ABHD14B: variants seen among roughly 807,000 people sequenced by gnomAD.
ABHD14B encodes the protein abhydrolase domain containing 14B.
In ABHD14B, 19 loss-of-function variants were observed where a neutral mutation model predicts 15.4. The ratio of observed to expected loss-of-function variants is 1.23; its 90% CI spans 0.86 to 1.81. The LOEUF (loss-of-function observed/expected upper bound fraction) is 1.81, where lower values mean the gene tolerates loss of function less well. ABHD14B is among the 40% of genes most tolerant of loss of function. The pLI is 0.00. For missense variants in ABHD14B, 243 were observed against 267.0 expected (o/e 0.91, Z 0.63); for synonymous variants, 92 against 117.3 (o/e 0.78, Z 1.39).
At chr3:51,972,098 T>A (rs1412961023) in intron 1 of ABHD14B, among the ~76,000 whole-genome samples, 1 of 144,788 alleles carries the variant, frequency 6.9e-6, no homozygotes. Context: ...GAAAAAAAAA[T>A]TAGCCAGGTG....
At position 51,970,009 on chromosome 3, in the gene ABHD14B, C is replaced by T. The variant is rs576435421; in HGVS notation, c.387G>A (p.Pro129=). The change falls in exon 3 of 4, where the codon CCG becomes CCA. Residue 129 remains proline (P), a synonymous_variant. Transcript: ENST00000361143. ...AGATGGGGGCCACTGGCACAAAGCC[C>T]GGGAGCTGGGAGCCAGGGGCCGTGA... ...PFLTAPGSQL[P]GFVPVAPICT... The T allele has an allele frequency of 1.2e-5, 19 of 1,614,156 alleles. No homozygotes were observed. The highest frequency in any genetic ancestry group is 1.4e-5 in the Non-Finnish European group (17 of 1,180,020).
chr3:51,973,674 G>A, intron 1 of ABHD14B: 4 of 409,350 alleles, frequency 9.8e-6, no homozygotes, highest in South Asian at 3.9e-5. Context: ...CTTCCACACC[G>A]GAAAGCCCAT....
At position 51,969,434 on chromosome 3, in the gene ABHD14B, G is replaced by T; in HGVS notation, c.625C>A (p.Leu209Ile). The T allele has an allele frequency of 6.2e-7, 1 of 1,611,320 alleles. No homozygotes were observed. The highest frequency in any genetic ancestry group is 8.5e-7 in the Non-Finnish European group (1 of 1,178,778). ...TGCAGCAGTGCTGGGCTTCACTGGAGCCCCTGCAGGAAGTCCAGCAGCCCT... is the reference window on the plus strand; with the variant it reads ...TGCAGCAGTGCTGGGCTTCACTGGATCCCCTGCAGGAAGTCCAGCAGCCCT... ...HTGLLDFLQG[L>I]Q The change falls in exon 4 of 4, where the codon CTC becomes ATC. Residue 209 changes from leucine to isoleucine, a missense_variant. By Grantham distance (5) the Leu-to-Ile change is conservative. Transcript: ENST00000361143.
At chr3:51,971,914 G>T in intron 1 of ABHD14B, 1 of 969,410 alleles carries the variant, frequency 1.0e-6, no homozygotes, top group Non-Finnish European at 1.4e-6. Context: ...GAACAATAAA[G>T]CCAACTTCAA....
chr3:51,971,810 G>A, intron 1 of ABHD14B, 112 bp from the exon 2 acceptor site: 4 of 1,441,488 alleles, frequency 2.8e-6, no homozygotes, highest in Non-Finnish European at 3.6e-6. Flanking sequence ...TTAAGAACAT[G>A]CCTTGGGGTC....
chr3:51,970,923 C>T, intron 2 of ABHD14B: 1 of 440,054 alleles, frequency 2.3e-6, no homozygotes, highest in South Asian at 1.6e-5. Flanking sequence ...TACCCTAGAA[C>T]CCAGCTCAGG....
At chr3:51,969,910 G>C in intron 3 of ABHD14B, 33 bp downstream of exon 3, 1 of 1,614,150 alleles carries the variant, frequency 6.2e-7, no homozygotes, top group African/African-American at 1.3e-5. Flanking sequence ...CTTGCTCCTG[G>C]CAGGGGCACC....
Position 51,971,713 on chromosome 3 carries a change from C to T in ABHD14B, c.-28-15G>A, listed in dbSNP as rs767870399. ...TGGTGAAGGGCCTGTGGTTCAAAAC[C>T]ACGATGATGAGGGGCCACAGAACAC... On this transcript the variant is annotated splice_polypyrimidine_tract_variant and intron_variant, in intron 1 of 3. Coordinates refer to ENST00000361143, the MANE Select transcript of ABHD14B (RefSeq NM_001146314.2). 5 of 1,599,492 alleles carry T rather than the reference C, an allele frequency of 3.1e-6. No homozygotes were observed. The Admixed American group carries it at 8.5e-5, about 27-fold the overall frequency.
At chr3:51,969,638 C>A (rs779810080) in intron 3 of ABHD14B, 33 bp from the exon 4 acceptor site, 1 of 1,588,164 alleles carries the variant, frequency 6.3e-7, no homozygotes, top group South Asian at 1.1e-5. Context: ...GGGGCAGAGT[C>A]AACAGGGACC....
rs765452310 is a variant in ABHD14B at position 51,971,485 on chromosome 3, G to A, written c.186C>T (p.Tyr62=). ...CTGGCAGGTCAATGGCCACAGCCCGGTAGCCAGCCTGGGCCAGCCTGTGCA... is the reference window on the plus strand; with the variant it reads ...CTGGCAGGTCAATGGCCACAGCCCGATAGCCAGCCTGGGCCAGCCTGTGCA... ...GTLHRLAQAG[Y]RAVAIDLPGL... The change falls in exon 2 of 4, where the codon TAC becomes TAT. Residue 62 remains tyrosine, a synonymous_variant. Transcript: ENST00000361143. 2 of 1,599,128 alleles carry A rather than the reference G, an allele frequency of 1.3e-6. No homozygotes were observed. The highest frequency in any genetic ancestry group is 1.7e-6 in the Non-Finnish European group (2 of 1,170,812).
chr3:51,970,828 C>T (rs1381867818), intron 2 of ABHD14B: 1 of 455,442 alleles, frequency 2.2e-6, no homozygotes, highest in Non-Finnish European at 4.4e-6. Flanking sequence ...GTGGGGCCAG[C>T]CATGCTGCTC....
At position 51,971,655 on chromosome 3, in the gene ABHD14B, C is replaced by G; in HGVS notation, c.16G>C (p.Glu6Gln). 3 of 1,611,834 alleles carry G rather than the reference C, an allele frequency of 1.9e-6. No individual in the cohort carries two copies. The highest frequency in any genetic ancestry group is 1.7e-6 in the Non-Finnish European group (2 of 1,179,400). Residue 6 changes from glutamate (E) to glutamine (Q), a missense_variant, in exon 2 of 4, where the codon GAG becomes CAG. Transcript: ENST00000361143. ...ACCTGGATGGTGCCCTCGCGCTGCT[C>G]CACGCTTGCTGCCATGCCTGCTGCT... MAASVEQREGTIQVQG... is the reference protein window; with the variant it reads MAASVQQREGTIQVQG...
intron 1 of ABHD14B, 60 bp downstream of exon 1, chr3:51,973,905 G>T: frequency 3.1e-6 from 4 of 1,289,824 alleles, no homozygotes; most frequent in Non-Finnish European, 3.0e-6. Context: ...GAAGACTTGG[G>T]GTAGGTGGGG....
chr3:51,971,367 CTGGAG>C, intron 2 of ABHD14B, 88 bp downstream of exon 2: 1 of 1,380,606 alleles, frequency 7.2e-7, no homozygotes. Context: ...GCCCCCACCC[CTGGAG>C]TGGGGAGGGG....
Position 51,972,819 on chromosome 3 carries a change from G to C in ABHD14B, c.-28-1121C>G, listed in dbSNP as rs2106801233. Among the ~76,000 whole-genome samples the C allele has an allele frequency of 1.3e-5, 2 of 152,326 alleles. 1 individual carries two copies. Among genetic ancestry groups the C allele is most frequent in the Middle Eastern group, 6.8e-3 (2 of 294 alleles). On this transcript the variant is annotated intron_variant, in intron 1 of 3. Coordinates refer to ENST00000361143, the MANE Select transcript of ABHD14B (RefSeq NM_001146314.2). The stretch of plus-strand genomic sequence containing the variant: ...AACGGTAAGTTACAGGTCATGAGTT[G>C]TCAATGCAGGCCAGAGGGAGCCCAA...
chr3:51,974,139 T>C, upstream of ABHD14B: 2 of 986,296 alleles, frequency 2.0e-6, no homozygotes, highest in Non-Finnish European at 2.7e-6. Context: ...TAGACTCCGC[T>C]AAACTCGTTC....
chr3:51,973,519 C>CTTTTTTTTTTCT lies in ABHD14B; in HGVS notation c.-29+445_-29+446insAGAAAAAAAAAA, dbSNP rs1700704633. On this transcript the variant is annotated intron_variant, in intron 1 of 3. Transcript: ENST00000361143. ...CATTTTCTTCGGTTTTTTTTTTTTT[C>CTTTTTTTTTTCT]TTTTTTTTTTTTTTAAGAGAAGATG... is the stretch of plus-strand genomic sequence containing the variant. Among the ~76,000 whole-genome samples the CTTTTTTTTTTCT allele has an allele frequency of 1.6e-4, 19 of 120,908 alleles. 1 individual carries two copies. The highest frequency in any genetic ancestry group is 5.8e-4 in the African/African-American group (17 of 29,524). 79.3% of individuals were successfully genotyped at this position (120,908 alleles called of 152,430 possible).
intron 2 of ABHD14B, chr3:51,970,493 G>A (rs889693772): frequency 5.1e-6 from 3 of 592,142 alleles, no homozygotes; most frequent in Non-Finnish European, 6.3e-6. Flanking sequence ...GTGACCTTGG[G>A]TAGGTCCCCC....
intron 1 of ABHD14B, among the ~76,000 whole-genome samples, chr3:51,973,217 T>TA (rs1700692320): frequency 6.6e-6 from 1 of 150,866 alleles, no homozygotes. Context: ...GCTAATTTTT[T>TA]GTTTTTTTTT....
Sources: allele counts gnomAD v4.1 joint callset (sites outside exome capture counted in the v4.1 genomes callset), GRCh38; gene constraint gnomAD v4.1.1; transcripts MANE v1.5; gene names NCBI Gene and HGNC (gene_info 2026-07-23, HGNC 2026-07-21).